ANKRD18A: variants seen among roughly 807,000 people sequenced by gnomAD.
The protein encoded by ANKRD18A is ankyrin repeat domain 18A.
ANKRD18A carries 72 observed loss-of-function variants against 110.6 expected under a neutral mutation model. That is an observed-to-expected ratio of 0.65 (90% confidence interval 0.54 to 0.79). ANKRD18A has a LOEUF of 0.79. ANKRD18A is among the 30% of genes least tolerant of loss of function. The probability of loss-of-function intolerance (pLI) is 0.00; values close to 1 mark genes in which losing one functional copy is unlikely to be tolerated. For synonymous variants in ANKRD18A, 305 were observed against 410.3 expected, an observed-to-expected ratio of 0.74 and a Z score of 3.10; for missense variants, 934 against 1,163.3, an observed-to-expected ratio of 0.80 and a Z score of 2.87.
rs1435650682 is a variant in ANKRD18A at position 38,596,213 on chromosome 9, T to G, written c.1127A>C (p.Asn376Thr). Reference protein sequence around the residue: ...NANFEKSVRLNEKMITKTVAR... With the variant: ...NANFEKSVRLTEKMITKTVAR... Reference sequence around the variant, plus strand: ...CACTGTTTTTGTTATCATTTTTTCATTGAGTCTTACACTCTTTTCAAAGTT... The same window carrying G: ...CACTGTTTTTGTTATCATTTTTTCAGTGAGTCTTACACTCTTTTCAAAGTT... Residue 376 changes from asparagine to threonine, a missense_variant, in exon 9 of 16, where the codon AAT (asparagine) becomes ACT (threonine). Physicochemically the swap from Asn to Thr is moderately conservative, Grantham distance 65. Around this residue, in one of 4 missense-constraint regions of ANKRD18A, gnomAD observed 630 missense variants for 797.5 expected, o/e 0.79. Coordinates refer to ENST00000399703, the MANE Select transcript of ANKRD18A (RefSeq NM_147195.4). The G allele has an allele frequency of 1.4e-5, 21 of 1,537,288 alleles. No homozygotes were observed. The highest frequency in any genetic ancestry group is 1.8e-6 in the Non-Finnish European group (2 of 1,141,666).
chr9:38,614,397 C>T (rs12353119), intron 3 of ANKRD18A, among the ~76,000 whole-genome samples: 17,934 of 151,942 alleles, frequency 0.12, 1,127 homozygotes, highest in Non-Finnish European at 0.13. Flanking sequence ...ATCCTCCCAC[C>T]TCAGCCTCCT....
chr9:38,620,041 T>A, intron 1 of ANKRD18A, 39 bp downstream of exon 1: 1 of 1,546,242 alleles, frequency 6.5e-7, no homozygotes, highest in Non-Finnish European at 8.7e-7. Context: ...AAGCCGGGCC[T>A]GCGGCCCCCT....
chr9:38,578,166 T>C lies in ANKRD18A; in HGVS notation c.2248-18A>G, dbSNP rs759508966. On this transcript the variant is annotated intron_variant, in intron 12 of 15. Transcript: ENST00000399703. ...TCATTAAACTGCATTAAGAAAATAATAGAGCTTGATAATGAAGTAGGCTGA... is the reference window on the plus strand; with the variant it reads ...TCATTAAACTGCATTAAGAAAATAACAGAGCTTGATAATGAAGTAGGCTGA... The C allele has an allele frequency of 8.8e-5, 134 of 1,527,456 alleles. No individual in the cohort carries two copies. The highest frequency in any genetic ancestry group is 1.2e-4 in the Non-Finnish European group (133 of 1,140,884). 94.6% of individuals were successfully genotyped at this position (1,527,456 alleles called of 1,614,324 possible).
chr9:38,615,666 G>C lies in ANKRD18A; in HGVS notation c.423C>G (p.Ala141=). The change falls in exon 3 of 16, where the codon GCC becomes GCG. Residue 141 remains alanine (A), a synonymous_variant. Coordinates refer to ENST00000399703, the MANE Select transcript of ANKRD18A (RefSeq NM_147195.4). ...DIYGNTALHY[A]VYNKGTSLAE... is the part of the protein sequence containing the mutation. ...CCAGTGAAGTCCCCTTATTATACAC[G>C]GCATAATGGAGAGCAGTGTTGCCGT... 4 of 1,611,970 alleles carry C rather than the reference G, an allele frequency of 2.5e-6. No homozygotes were observed. The highest frequency in any genetic ancestry group is 3.4e-6 in the Non-Finnish European group (4 of 1,179,764).
At chr9:38,614,549 C>T (rs918989643) in intron 3 of ANKRD18A, among the ~76,000 whole-genome samples, 1 of 152,148 alleles carries the variant, frequency 6.6e-6, no homozygotes, top group Non-Finnish European at 1.5e-5. Flanking sequence ...AACAAAATTT[C>T]CCCAGGTCAT....
At chr9:38,608,800 T>C (rs1482306028) in intron 5 of ANKRD18A, among the ~76,000 whole-genome samples, 1 of 150,958 alleles carries the variant, frequency 6.6e-6, no homozygotes, top group Non-Finnish European at 1.5e-5. Flanking sequence ...GGAAACACAT[T>C]ACTTGAGGGG....
chr9:38,579,881 G>A (rs192082319), intron 12 of ANKRD18A, among the ~76,000 whole-genome samples: 1 of 152,330 alleles, frequency 6.6e-6, no homozygotes, highest in East Asian at 1.9e-4. Flanking sequence ...GTCCTCATAT[G>A]TTTATTGTAG....
intron 3 of ANKRD18A, among the ~76,000 whole-genome samples, chr9:38,611,780 A>C (rs1392751369): frequency 1.3e-5 from 2 of 152,218 alleles, no homozygotes; most frequent in African/African-American, 4.8e-5. Flanking sequence ...TTCAAAGAGT[A>C]GTTGTTTTAC....
At chr9:38,568,062 C>T (rs1470846076), downstream of ANKRD18A, 4 of 152,426 alleles carry the variant, frequency 2.6e-5, no homozygotes, top group African/African-American at 9.6e-5. Context: ...CTCTTCAGTG[C>T]TGGTGTGGCA....
chr9:38,585,337 T>TA (rs1400678462), intron 12 of ANKRD18A, among the ~76,000 whole-genome samples: 1 of 152,354 alleles, frequency 6.6e-6, no homozygotes, highest in East Asian at 1.9e-4. Flanking sequence ...AATTGTCACC[T>TA]AAAGAATCCT....
At chr9:38,614,437 A>T (rs957393253) in intron 3 of ANKRD18A, among the ~76,000 whole-genome samples, 2 of 152,040 alleles carry the variant, frequency 1.3e-5, no homozygotes, top group Admixed American at 1.3e-4. Context: ...AACATGCCAC[A>T]GTGCATGGCT....
At chr9:38,570,860 G>A (rs1196236422), downstream of ANKRD18A, among the ~76,000 whole-genome samples, 2 of 152,224 alleles carry the variant, frequency 1.3e-5, no homozygotes, top group Non-Finnish European at 2.9e-5. Context: ...CATCTCAAAG[G>A]AGACAATGAG....
At chr9:38,577,838 G>A (rs1183461370) in intron 13 of ANKRD18A, 29 bp downstream of exon 13, 1 of 1,562,656 alleles carries the variant, frequency 6.4e-7, no homozygotes, top group South Asian at 1.2e-5. Flanking sequence ...GCCCATTACA[G>A]ATAAACTTAC....
chr9:38,603,047 G>A, intron 7 of ANKRD18A, 112 bp downstream of exon 7: 4 of 1,410,648 alleles, frequency 2.8e-6, no homozygotes, highest in Admixed American at 2.4e-5. Context: ...GTAATAGACT[G>A]ATGTACTCCA....
chr9:38,609,434 T>C (rs1213585552), intron 5 of ANKRD18A, among the ~76,000 whole-genome samples: 2 of 152,000 alleles, frequency 1.3e-5, no homozygotes, highest in East Asian at 1.9e-4. Context: ...TGAGCCAAGA[T>C]TGCGCCACTG....
chr9:38,568,885 AG>A (rs1027341637), downstream of ANKRD18A: 1 of 985,294 alleles, frequency 1.0e-6, no homozygotes, highest in Non-Finnish European at 1.2e-6. Context: ...GCTCCCCAGC[AG>A]GGGGCCTCTG....
intron 12 of ANKRD18A, among the ~76,000 whole-genome samples, chr9:38,582,164 T>C (rs1305539313): frequency 6.6e-6 from 1 of 152,062 alleles, no homozygotes; most frequent in Non-Finnish European, 1.5e-5. Flanking sequence ...TGAATTATAA[T>C]GAGTTAGTAA....
intron 2 of ANKRD18A, 79 bp downstream of exon 2, chr9:38,615,851 T>C: frequency 1.3e-6 from 2 of 1,527,296 alleles, no homozygotes; most frequent in Non-Finnish European, 1.8e-6. Context: ...CTAGCTATAT[T>C]TAAATGAGAC....
At chr9:38,576,275 T>C (rs1823890241) in intron 14 of ANKRD18A, among the ~76,000 whole-genome samples, 1 of 152,218 alleles carries the variant, frequency 6.6e-6, no homozygotes, top group South Asian at 2.1e-4. Context: ...TATTTGGCAC[T>C]GAGGAATAAC....
Sources: allele counts gnomAD v4.1 joint callset (sites outside exome capture counted in the v4.1 genomes callset), GRCh38; gene constraint gnomAD v4.1.1; regional missense constraint gnomAD v4.1.1; transcripts MANE v1.5; gene names NCBI Gene and HGNC (gene_info 2026-07-23, HGNC 2026-07-21).